LUZP2: variants seen among roughly 807,000 people sequenced by gnomAD.
The protein encoded by LUZP2 is leucine zipper protein 2.
LUZP2 carries 52 observed loss-of-function variants against 51.6 expected under a neutral mutation model. That is an observed-to-expected ratio of 1.01 (90% CI 0.81 to 1.27). The LOEUF is 1.27. Among genes scored for constraint, LUZP2 ranks in the 50% most tolerant of loss-of-function variants. The pLI is 0.00. For synonymous variants in LUZP2, 154 were observed against 137.3 expected, an observed-to-expected ratio of 1.12 and a Z score of -0.85; for missense variants, 436 against 395.4, an observed-to-expected ratio of 1.10 and a Z score of -0.87.
chr11:24,695,852 T>C (rs990341274), intron 1 of LUZP2, among the ~76,000 whole-genome samples: 2 of 151,896 alleles, frequency 1.3e-5, no homozygotes, highest in East Asian at 1.9e-4. Flanking sequence ...TGAGATAGCA[T>C]TCGAGTGAAA....
intron 4 of LUZP2, among the ~76,000 whole-genome samples, chr11:24,758,355 G>A (rs1859850811): frequency 1.3e-5 from 2 of 151,504 alleles, no homozygotes; most frequent in South Asian, 4.2e-4. Context: ...GTGTACATGT[G>A]CTTGTGTGTA....
chr11:24,977,816 T>C (rs1855920754), intron 8 of LUZP2, among the ~76,000 whole-genome samples: 1 of 151,552 alleles, frequency 6.6e-6, no homozygotes. Flanking sequence ...AAAATTTTGC[T>C]TTTAACACTT....
At chr11:25,063,999 T>C (rs1233064831) in intron 10 of LUZP2, among the ~76,000 whole-genome samples, 2 of 151,674 alleles carry the variant, frequency 1.3e-5, no homozygotes, top group Non-Finnish European at 3.0e-5. Flanking sequence ...TCAATTTATC[T>C]TCAGATATCT....
intron 9 of LUZP2, among the ~76,000 whole-genome samples, chr11:25,011,997 A>G (rs1420545822): frequency 2.0e-5 from 3 of 152,190 alleles, no homozygotes; most frequent in Non-Finnish European, 4.4e-5. Context: ...GCTTGTGTAT[A>G]GACACAAAAG....
chr11:24,801,846 A>G (rs546268199), intron 5 of LUZP2, among the ~76,000 whole-genome samples: 1 of 150,896 alleles, frequency 6.6e-6, no homozygotes, highest in African/African-American at 2.4e-5. Flanking sequence ...AGCTGTCCCA[A>G]TTTTGAAAAA....
At chr11:24,990,033 T>C (rs770509610) in intron 9 of LUZP2, among the ~76,000 whole-genome samples, 2 of 152,116 alleles carry the variant, frequency 1.3e-5, no homozygotes, top group Non-Finnish European at 2.9e-5. Flanking sequence ...TATTGCCACA[T>C]ATTCTCTGAT....
chr11:24,779,804 T>C (rs1849035483), intron 5 of LUZP2, among the ~76,000 whole-genome samples: 1 of 152,118 alleles, frequency 6.6e-6, no homozygotes, highest in Non-Finnish European at 1.5e-5. Context: ...CAACTGTCTT[T>C]ATAAGAGAAA....
intron 1 of LUZP2, among the ~76,000 whole-genome samples, chr11:24,665,129 C>G (rs1856170850): frequency 6.6e-6 from 1 of 152,210 alleles, no homozygotes; most frequent in Non-Finnish European, 1.5e-5. Context: ...GAGGCCACTT[C>G]TTGCATCAGC....
intron 1 of LUZP2, among the ~76,000 whole-genome samples, chr11:24,683,762 G>A (rs2133874631): frequency 6.6e-6 from 1 of 152,230 alleles, no homozygotes; most frequent in Non-Finnish European, 1.5e-5. Context: ...AGTGCCTCTT[G>A]CACTTACCAC....
At chr11:24,609,454 G>A (rs192340312) in intron 1 of LUZP2, among the ~76,000 whole-genome samples, 317 of 152,072 alleles carry the variant, frequency 2.1e-3, no homozygotes, top group African/African-American at 5.3e-3. Context: ...AGGCTGGGGC[G>A]GTGGCTCACT....
intron 1 of LUZP2, among the ~76,000 whole-genome samples, chr11:24,578,332 T>G (rs7131395): frequency 6.6e-6 from 1 of 151,788 alleles, no homozygotes; most frequent in African/African-American, 2.4e-5. Flanking sequence ...TACTTTTTGT[T>G]TTCATAATTT....
chr11:24,523,417 G>A (rs1347978328), intron 1 of LUZP2, among the ~76,000 whole-genome samples: 1 of 151,416 alleles, frequency 6.6e-6, no homozygotes, highest in African/African-American at 2.4e-5. Flanking sequence ...ACCAGAGATT[G>A]TGTATAGTGA....
intron 1 of LUZP2, among the ~76,000 whole-genome samples, chr11:24,669,639 A>C (rs937525290): frequency 5.3e-5 from 8 of 152,122 alleles, no homozygotes; most frequent in Admixed American, 5.2e-4. Flanking sequence ...CATTGTTTGG[A>C]TTATTTAAAG....
Position 24,497,130 on chromosome 11 carries a change from C to T in LUZP2, c.-114C>T. The T allele has an allele frequency of 1.0e-6, 1 of 969,116 alleles. No homozygotes were observed. Among genetic ancestry groups the T allele is most frequent in the Non-Finnish European group, 1.4e-6 (1 of 694,992 alleles). The allele number at this position is 969,116 out of a possible 1,614,324, so 60.0% of individuals were successfully genotyped here. On this transcript the variant is annotated 5_prime_UTR_variant, in exon 1 of 12. Transcript: ENST00000336930. ...CGTGTGCCCGTCTCCGCCTTTCCGC[C>T]TCGGAAGAGCGCTCATCACTGGCTG... is the stretch of plus-strand genomic sequence containing the variant.
chr11:24,848,060 G>A (rs1474139424), intron 5 of LUZP2, among the ~76,000 whole-genome samples: 2 of 152,024 alleles, frequency 1.3e-5, no homozygotes, highest in African/African-American at 2.4e-5. Flanking sequence ...GTAGGAGAGA[G>A]TATCTTGGGT....
chr11:24,772,671 A>G (rs1170102499), intron 5 of LUZP2, among the ~76,000 whole-genome samples: 1 of 152,140 alleles, frequency 6.6e-6, no homozygotes, highest in Non-Finnish European at 1.5e-5. Flanking sequence ...TATGTGTCCT[A>G]AAACAACAGG....
intron 1 of LUZP2, among the ~76,000 whole-genome samples, chr11:24,574,267 T>TCTTTCTTTCTTG: frequency 7.6e-6 from 1 of 130,970 alleles, no homozygotes; most frequent in African/African-American, 2.9e-5. Context: ...TTTCTTGCTT[T>TCTTTCTTTCTTG]CTTTCTTTCT....
intron 5 of LUZP2, among the ~76,000 whole-genome samples, chr11:24,897,882 C>A (rs533059346): frequency 6.6e-6 from 1 of 152,112 alleles, no homozygotes; most frequent in Non-Finnish European, 1.5e-5. Context: ...TTGTCCTCTT[C>A]CTTTTGCCTT....
chr11:24,554,850 A>G (rs1295389361), intron 1 of LUZP2, among the ~76,000 whole-genome samples: 1 of 152,074 alleles, frequency 6.6e-6, no homozygotes, highest in Non-Finnish European at 1.5e-5. Context: ...CCCAGTTAGA[A>G]AATTGGGAAG....
Sources: gnomAD v4.1 joint callset for allele counts (sites outside exome capture counted in the v4.1 genomes callset) on GRCh38, gnomAD v4.1.1 for gene constraint, MANE v1.5 for transcripts, NCBI Gene and HGNC (gene_info 2026-07-23, HGNC 2026-07-21) for gene names.